The following PPIL4 variants were observed in gnomAD, a reference collection of about 807,000 sequenced individuals.
PPIL4 encodes peptidyl-prolyl cis-trans isomerase-like 4.
A neutral mutation model predicts 69.1 loss-of-function variants in PPIL4; 50 were observed. The ratio of observed to expected loss-of-function variants is 0.72; its 90% CI spans 0.58 to 0.92. The LOEUF is 0.92. PPIL4 is among the 40% of genes least tolerant of loss of function. The pLI, the probability that PPIL4 is intolerant of heterozygous loss-of-function variation, is 0.00. For missense variants in PPIL4, 480 were observed against 587.9 expected, an observed-to-expected ratio of 0.82 and a Z score of 1.90; for synonymous variants, 193 against 191.6, an observed-to-expected ratio of 1.01 and a Z score of -0.06.
intron 10 of PPIL4, among the ~76,000 whole-genome samples, chr6:149,520,195 A>C (rs1385687280): frequency 6.6e-6 from 1 of 152,180 alleles, no homozygotes; most frequent in Non-Finnish European, 1.5e-5. Flanking sequence ...CCTTTGTTTT[A>C]TATTTTCCTT....
chr6:149,514,955 G>C (rs544958014), intron 11 of PPIL4, among the ~76,000 whole-genome samples: 2 of 151,846 alleles, frequency 1.3e-5, no homozygotes, highest in Non-Finnish European at 2.9e-5. Context: ...TCCTGCCTCA[G>C]CCTCCCGAGT....
intron 6 of PPIL4, 27 bp from the exon 7 acceptor site, chr6:149,533,601 T>C: frequency 7.7e-7 from 1 of 1,297,206 alleles, no homozygotes; most frequent in Non-Finnish European, 1.1e-6. Flanking sequence ...TACTCATGTA[T>C]ATATTTAAAG....
rs1384985602 is a variant in PPIL4, at chr6:149,531,889, C to T, written c.678+1569G>A. On this transcript the variant is annotated intron_variant, in intron 7 of 12. Coordinates refer to ENST00000253329, the MANE Select transcript of PPIL4 (RefSeq NM_139126.4). Reference sequence around the variant, plus strand: ...TTCACCATGTTGGCCAGGCTGGTCTCGAACTCCTGACCTCGTGATCCACCC... The same window carrying T: ...TTCACCATGTTGGCCAGGCTGGTCTTGAACTCCTGACCTCGTGATCCACCC... Among the ~76,000 whole-genome samples the T allele has an allele frequency of 3.9e-5, 6 of 152,120 alleles. No homozygotes were observed. The East Asian group carries it at 7.7e-4, about 20-fold the overall frequency.
At chr6:149,537,034 G>A (rs568356673) in intron 4 of PPIL4, among the ~76,000 whole-genome samples, 49 of 151,922 alleles carry the variant, frequency 3.2e-4, no homozygotes, top group Middle Eastern at 6.8e-3. Flanking sequence ...GCTGAGGCAG[G>A]AGAATTGCTT....
intron 10 of PPIL4, among the ~76,000 whole-genome samples, chr6:149,519,313 C>A (rs2115031091): frequency 6.6e-6 from 1 of 152,268 alleles, no homozygotes; most frequent in South Asian, 2.1e-4. Context: ...ATTTCATACA[C>A]TTCCCAAATG....
chr6:149,526,220 T>C (rs907640408), intron 8 of PPIL4, among the ~76,000 whole-genome samples: 5 of 152,312 alleles, frequency 3.3e-5, no homozygotes, highest in East Asian at 1.9e-4. Context: ...ACTAGCTTCA[T>C]AGACTTTTTC....
chr6:149,532,202 GC>G (rs1777210024), intron 7 of PPIL4, among the ~76,000 whole-genome samples: 1 of 152,192 alleles, frequency 6.6e-6, no homozygotes, highest in Non-Finnish European at 1.5e-5. Flanking sequence ...AACAGATGTA[GC>G]AAAATGTTAA....
At chr6:149,518,796 TG>T (rs550076173) in intron 10 of PPIL4, among the ~76,000 whole-genome samples, 310 of 152,334 alleles carry the variant, frequency 2.0e-3, no homozygotes, top group African/African-American at 7.2e-3. Flanking sequence ...GGTTCTTGAC[TG>T]TAGTGGGAGG....
At chr6:149,517,034 A>T (rs1776955053) in intron 11 of PPIL4, 1 of 172,876 alleles carries the variant, frequency 5.8e-6, no homozygotes, top group South Asian at 1.9e-4. Flanking sequence ...AGAAAATACA[A>T]ATCTTACCTG....
intron 12 of PPIL4, among the ~76,000 whole-genome samples, chr6:149,505,910 TCTA>T (rs1251873616): frequency 6.6e-6 from 1 of 152,210 alleles, no homozygotes; most frequent in African/African-American, 2.4e-5. Context: ...TTGATTTGTA[TCTA>T]CTATTTTGGC....
intron 1 of PPIL4, among the ~76,000 whole-genome samples, chr6:149,544,473 T>C (rs965035498): frequency 6.6e-6 from 1 of 152,180 alleles, no homozygotes; most frequent in Non-Finnish European, 1.5e-5. Context: ...ATGATAATTA[T>C]GGTATAGTTC....
chr6:149,517,074 A>G (rs924584579), intron 11 of PPIL4: 1 of 215,188 alleles, frequency 4.6e-6, no homozygotes, highest in Non-Finnish European at 9.1e-6. Context: ...ATAAGTAGGA[A>G]AGTACTTAAC....
At chr6:149,514,323 C>G (rs1243210554) in intron 11 of PPIL4, among the ~76,000 whole-genome samples, 3 of 152,292 alleles carry the variant, frequency 2.0e-5, no homozygotes, top group Non-Finnish European at 2.9e-5. Context: ...GCTGCTCCCT[C>G]TGTCCAAATT....
At chr6:149,517,654 C>T (rs1776967340) in intron 10 of PPIL4, 1 of 443,108 alleles carries the variant, frequency 2.3e-6, no homozygotes, top group East Asian at 3.9e-5. Context: ...CCACATGCTG[C>T]CACCTAACGA....
At chr6:149,523,606 G>A (rs1777063321) in intron 9 of PPIL4, among the ~76,000 whole-genome samples, 2 of 151,850 alleles carry the variant, frequency 1.3e-5, no homozygotes, top group South Asian at 2.1e-4. Flanking sequence ...CATGAGAATC[G>A]CTTGAAACTG....
At chr6:149,508,324 G>C (rs1417704909) in intron 12 of PPIL4, among the ~76,000 whole-genome samples, 1 of 152,076 alleles carries the variant, frequency 6.6e-6, no homozygotes, top group Non-Finnish European at 1.5e-5. Flanking sequence ...TGAGATAAAT[G>C]AATTAGATAA....
At chr6:149,536,083 G>T (rs1258521110) in intron 4 of PPIL4, among the ~76,000 whole-genome samples, 2 of 152,082 alleles carry the variant, frequency 1.3e-5, no homozygotes, top group African/African-American at 4.8e-5. Context: ...CATTACTATT[G>T]TATCTGTTAT....
chr6:149,527,308 C>G (rs970707208), intron 7 of PPIL4, among the ~76,000 whole-genome samples: 1 of 152,146 alleles, frequency 6.6e-6, no homozygotes, highest in Non-Finnish European at 1.5e-5. Flanking sequence ...CAGTGAGCTA[C>G]GCCACTTCAC....
intron 4 of PPIL4, among the ~76,000 whole-genome samples, chr6:149,537,072 G>A (rs1777289057): frequency 6.6e-6 from 1 of 151,406 alleles, no homozygotes; most frequent in Admixed American, 6.6e-5. Context: ...GTTGCAGTGA[G>A]CTGAGATCAT....
Sources: gnomAD v4.1 joint callset for allele counts (sites outside exome capture counted in the v4.1 genomes callset) on GRCh38, gnomAD v4.1.1 for gene constraint, MANE v1.5 for transcripts, NCBI Gene and HGNC (gene_info 2026-07-23, HGNC 2026-07-21) for gene names.